PCDHA8: variants seen among roughly 807,000 people sequenced by gnomAD.
PCDHA8 encodes protocadherin alpha 8.
Under a neutral mutation model 61.8 loss-of-function variants are expected in PCDHA8, and 53 were observed. The observed-to-expected ratio is 0.86, with a 90% CI of 0.69 to 1.08. PCDHA8 has a LOEUF of 1.08. PCDHA8 is among the 50% of genes least tolerant of loss of function. The pLI, the probability that PCDHA8 is intolerant of heterozygous loss-of-function variation, is 0.00. For missense variants in PCDHA8, 1,293 were observed against 1,245.0 expected (o/e 1.04, Z -0.58); for synonymous variants, 618 against 556.6 (o/e 1.11, Z -1.55).
chr5:140,883,336 A>G, intron 1 of PCDHA8: 1 of 1,613,866 alleles, frequency 6.2e-7, no homozygotes, highest in Non-Finnish European at 8.5e-7. Flanking sequence ...CTTCTTTGTC[A>G]CTCCCCATCA....
rs941007574 is a variant in PCDHA8 at position 141,010,090 on chromosome 5, C to G, written c.*153C>G. ...AAGTTCCCTGTGTCTGTCTAGAACG[C>G]ATTTAACAGGTTTTGTCGTAAAAGC... On this transcript the variant is annotated 3_prime_UTR_variant, in exon 4 of 4. Transcript: ENST00000531613. 1.5e-5 allele frequency: 24 copies of G among 1,612,636 alleles called. No homozygotes were observed. Among genetic ancestry groups the G allele is most frequent in the Non-Finnish European group, 2.0e-5 (24 of 1,179,276 alleles).
intron 1 of PCDHA8, chr5:140,877,716 G>A: frequency 6.2e-7 from 1 of 1,614,116 alleles, no homozygotes; most frequent in Non-Finnish European, 8.5e-7. Context: ...TGGGGAGTTG[G>A]TCTTACTCGC....
intron 1 of PCDHA8, among the ~76,000 whole-genome samples, chr5:140,975,632 A>G (rs1554236932): frequency 1.3e-5 from 2 of 152,216 alleles, no homozygotes; most frequent in African/African-American, 4.8e-5. Context: ...CATGGTACGA[A>G]GATAGCATAT....
chr5:140,927,755 C>G (rs1388061408), intron 1 of PCDHA8: 6 of 1,614,196 alleles, frequency 3.7e-6, no homozygotes, highest in Non-Finnish European at 5.1e-6. Flanking sequence ...CACGTGCACC[C>G]TAAAAGTGGG....
rs1259591783 is a variant in PCDHA8, at chr5:141,009,842, G to C, written c.2758G>C (p.Glu920Gln). 1.2e-6 allele frequency: 2 copies of C among 1,613,960 alleles called. No individual in the cohort carries two copies. The highest frequency in any genetic ancestry group is 1.7e-6 in the Non-Finnish European group (2 of 1,180,014). ...TGACTTCATAACCTTCGGCAAAAAG[G>C]AGGAGACCAAGAAAAAGAAGAAAAA... ...KSDFITFGKKEETKKKKKKKK... is the reference protein window; with the variant it reads ...KSDFITFGKKQETKKKKKKKK... The change falls in exon 4 of 4, where the codon GAG becomes CAG. Residue 920 changes from glutamate (E) to glutamine (Q), a missense_variant. Coordinates refer to ENST00000531613, the MANE Select transcript of PCDHA8 (RefSeq NM_018911.3).
chr5:140,875,864 C>G (rs781972677), intron 1 of PCDHA8: 2 of 1,614,168 alleles, frequency 1.2e-6, no homozygotes, highest in South Asian at 1.1e-5. Context: ...GACAACCCGC[C>G]GGTGTTCAGA....
Position 140,881,024 on chromosome 5 carries a change from A to G in PCDHA8, c.2394+37309A>G, listed in dbSNP as rs1330072249. Among the ~76,000 whole-genome samples the G allele has an allele frequency of 1.1e-4, 17 of 152,246 alleles. 1 individual carries two copies. Among genetic ancestry groups the G allele is most frequent in the Admixed American group, 5.2e-4 (8 of 15,290 alleles). ...GAGCAGAGCTATGGAAATAAACCCA[A>G]CAGTCATTTCCTATAGAGTTGTGCA... On this transcript the variant is annotated intron_variant, in intron 1 of 3. Coordinates refer to ENST00000531613, the MANE Select transcript of PCDHA8 (RefSeq NM_018911.3).
chr5:140,909,255 C>G (rs1583695279), intron 1 of PCDHA8, among the ~76,000 whole-genome samples: 1 of 152,210 alleles, frequency 6.6e-6, no homozygotes, highest in African/African-American at 2.4e-5. Context: ...GCTGGCCTTG[C>G]TGACTGAAGG....
chr5:140,876,868 G>T, intron 1 of PCDHA8: 1 of 1,614,160 alleles, frequency 6.2e-7, no homozygotes, highest in Non-Finnish European at 8.5e-7. Flanking sequence ...GTTCGTGAAG[G>T]AGAACAACCC....
intron 1 of PCDHA8, among the ~76,000 whole-genome samples, chr5:140,885,441 A>G (rs568228687): frequency 6.6e-6 from 1 of 152,232 alleles, no homozygotes; most frequent in African/African-American, 2.4e-5. Context: ...GTGTGCAATT[A>G]TATATTATTT....
At chr5:140,969,304 C>CA in intron 1 of PCDHA8, 3 of 1,614,160 alleles carry the variant, frequency 1.9e-6, no homozygotes, top group Non-Finnish European at 2.5e-6. Flanking sequence ...TGATTATTCT[C>CA]AAAAATGAGG....
chr5:140,856,448 G>T (rs782383115), intron 1 of PCDHA8: 3 of 1,598,274 alleles, frequency 1.9e-6, no homozygotes, highest in South Asian at 2.2e-5. Context: ...CAGGTTCTCC[G>T]TAACAGAACA....
chr5:140,924,926 T>A (rs1554202369), intron 1 of PCDHA8, among the ~76,000 whole-genome samples: 1 of 119,426 alleles, frequency 8.4e-6, no homozygotes, highest in African/African-American at 3.1e-5. Flanking sequence ...TAAAATAAAA[T>A]AAAATAAAAT....
rs2150436326 is a variant in PCDHA8 at position 140,849,370 on chromosome 5, A to C, written c.2394+5655A>C. ...GATGTTTCTCCAGATATAAAATCCA[A>C]GTTCCACATGGACCCCTTAAGTGGG... On this transcript the variant is annotated intron_variant, in intron 1 of 3. Transcript: ENST00000531613. 2.7e-6 allele frequency: 4 copies of C among 1,490,456 alleles called. No homozygotes were observed. The East Asian group carries it at 9.1e-5, about 34-fold the overall frequency. The allele number at this position is 1,490,456 out of a possible 1,614,324, so 92.3% of individuals were successfully genotyped here. A position where few individuals can be genotyped will look rare whatever the true frequency, so the allele number is the denominator to read the frequency against.
At chr5:140,875,474 T>C (rs1369376569) in intron 1 of PCDHA8, 1 of 1,606,582 alleles carries the variant, frequency 6.2e-7, no homozygotes, top group Non-Finnish European at 8.5e-7. Flanking sequence ...TTTTCTGCAA[T>C]GGTGATTATC....
chr5:140,848,776 A>G (rs2150250036), intron 1 of PCDHA8: 1 of 1,593,226 alleles, frequency 6.3e-7, no homozygotes, highest in East Asian at 2.2e-5. Flanking sequence ...GACCGCGAGG[A>G]GCTGTGCGGG....
chr5:140,872,332 T>G (rs2053600467), intron 1 of PCDHA8, among the ~76,000 whole-genome samples: 1 of 152,172 alleles, frequency 6.6e-6, no homozygotes, highest in African/African-American at 2.4e-5. Context: ...ATGACTAAAA[T>G]TCTACATGTT....
chr5:140,848,569 T>C lies in PCDHA8; in HGVS notation c.2394+4854T>C, dbSNP rs1382719331. On this transcript the variant is annotated intron_variant, in intron 1 of 3. Coordinates refer to ENST00000531613, the MANE Select transcript of PCDHA8 (RefSeq NM_018911.3). ...TCGCTTCTGATCCTCGCAATGTGGG[T>C]GGTGGGGAGCGGCCAGCTCCACTAC... 5.0e-6 allele frequency: 8 copies of C among 1,595,090 alleles called. 2 individuals carry two copies. The highest frequency in any genetic ancestry group is 6.9e-6 in the Non-Finnish European group (8 of 1,165,390).
rs560121926 is a variant in PCDHA8 at position 140,949,352 on chromosome 5, T to A, written c.2395-29597T>A. Among the ~76,000 whole-genome samples, 6 of 151,992 alleles carry A rather than the reference T, an allele frequency of 3.9e-5. No individual in the cohort carries two copies. The South Asian group carries it at 1.2e-3, about 31-fold the overall frequency. On this transcript the variant is annotated intron_variant, in intron 1 of 3. Transcript: ENST00000531613. Reference sequence around the variant, plus strand: ...TTGTTATCCAGATTTTCTGTGTCTTTATTTTTTTGTCTAGTTGTCCTATCA... The same window carrying A: ...TTGTTATCCAGATTTTCTGTGTCTTAATTTTTTTGTCTAGTTGTCCTATCA...
Sources: allele counts gnomAD v4.1 joint callset (sites outside exome capture counted in the v4.1 genomes callset), GRCh38; gene constraint gnomAD v4.1.1; transcripts MANE v1.5; gene names NCBI Gene and HGNC (gene_info 2026-07-23, HGNC 2026-07-21).